Variants in HEMK2 observed in about 807,000 individuals in gnomAD.
HEMK2 encodes methyltransferase HEMK2.
the HEMK2 span, among the ~76,000 whole-genome samples, chr21:28,712,817 A>G: frequency 2.0e-5 from 3 of 152,226 alleles, no homozygotes; most frequent in Non-Finnish European, 4.4e-5. Flanking sequence ...TTTTAAAATA[A>G]TAAGAGTATA....
chr21:28,682,901 T>C, the HEMK2 span, among the ~76,000 whole-genome samples: 1 of 151,400 alleles, frequency 6.6e-6, no homozygotes. Context: ...GGGGCCTGTG[T>C]AGGGGGAGCG....
the HEMK2 span, among the ~76,000 whole-genome samples, chr21:28,623,080 A>C: frequency 2.0e-5 from 3 of 152,174 alleles, no homozygotes; most frequent in African/African-American, 7.2e-5. Flanking sequence ...TGTGCAATCT[A>C]TCCATCTGAC....
chr21:28,627,135 C>T, the HEMK2 span, among the ~76,000 whole-genome samples: 1 of 152,204 alleles, frequency 6.6e-6, no homozygotes, highest in East Asian at 1.9e-4. Flanking sequence ...AAGCCAACCA[C>T]AAAAGAACAT....
the HEMK2 span, among the ~76,000 whole-genome samples, chr21:28,662,188 C>T: frequency 1.4e-5 from 2 of 142,444 alleles, no homozygotes; most frequent in African/African-American, 2.5e-5. Context: ...TGAGGGTGGG[C>T]GGGAGAGGGT....
At chr21:28,590,490 G>A in the HEMK2 span, among the ~76,000 whole-genome samples, 1 of 152,180 alleles carries the variant, frequency 6.6e-6, no homozygotes, top group East Asian at 1.9e-4. Flanking sequence ...CAACACTGCA[G>A]TGAACACATG....
At chr21:28,725,974 T>C in the HEMK2 span, among the ~76,000 whole-genome samples, 1 of 152,284 alleles carries the variant, frequency 6.6e-6, no homozygotes, top group African/African-American at 2.4e-5. Flanking sequence ...TCCAAAGAAA[T>C]GGGATACTCA....
At chr21:28,865,592 C>G in the HEMK2 span, among the ~76,000 whole-genome samples, 4 of 152,172 alleles carry the variant, frequency 2.6e-5, no homozygotes, top group Non-Finnish European at 5.9e-5. Flanking sequence ...CTGCTCTATC[C>G]TAGACTCCTC....
At chr21:28,839,699 T>C in the HEMK2 span, among the ~76,000 whole-genome samples, 1 of 152,032 alleles carries the variant, frequency 6.6e-6, no homozygotes, top group Non-Finnish European at 1.5e-5. Context: ...TATAAAACAC[T>C]GCTGAAAGAA....
chr21:28,788,200 G>GTA, the HEMK2 span, among the ~76,000 whole-genome samples: 5 of 111,916 alleles, frequency 4.5e-5, no homozygotes, highest in African/African-American at 2.7e-4. Context: ...ACGTATATAC[G>GTA]TATATATACG....
chr21:28,823,810 A>G, the HEMK2 span, among the ~76,000 whole-genome samples: 1 of 152,156 alleles, frequency 6.6e-6, no homozygotes, highest in South Asian at 2.1e-4. Flanking sequence ...AGTACCTGCC[A>G]TATGTTAACC....
At chr21:28,689,709 T>C in the HEMK2 span, among the ~76,000 whole-genome samples, 1 of 152,204 alleles carries the variant, frequency 6.6e-6, no homozygotes, top group Non-Finnish European at 1.5e-5. Flanking sequence ...GGATACTTAT[T>C]AACTGACCTT....
the HEMK2 span, among the ~76,000 whole-genome samples, chr21:28,703,614 C>A: frequency 2.6e-5 from 4 of 152,176 alleles, no homozygotes; most frequent in Non-Finnish European, 5.9e-5. Flanking sequence ...TGGATAAAGA[C>A]AGGCTGAAAC....
chr21:28,582,932 A>G, the HEMK2 span, among the ~76,000 whole-genome samples: 2 of 152,202 alleles, frequency 1.3e-5, no homozygotes, highest in East Asian at 3.9e-4. Flanking sequence ...AGACAGTACA[A>G]CCATCAGGGT....
the HEMK2 span, among the ~76,000 whole-genome samples, chr21:28,713,069 CT>C: frequency 6.6e-6 from 1 of 152,172 alleles, no homozygotes; most frequent in East Asian, 1.9e-4. Context: ...CAGTACTTTT[CT>C]GGTATTGCCT....
the HEMK2 span, chr21:28,885,069 G>A: frequency 8.1e-7 from 1 of 1,231,972 alleles, no homozygotes; most frequent in Non-Finnish European, 1.1e-6. Flanking sequence ...TCTCAATTAC[G>A]GCGTCCTGGC....
the HEMK2 span, among the ~76,000 whole-genome samples, chr21:28,627,656 C>A: frequency 6.6e-6 from 1 of 152,114 alleles, no homozygotes; most frequent in East Asian, 1.9e-4. Context: ...TACAGTGAGG[C>A]AGGAGAATAG....
At chr21:28,791,503 C>G in the HEMK2 span, among the ~76,000 whole-genome samples, 1 of 152,152 alleles carries the variant, frequency 6.6e-6, no homozygotes, top group Non-Finnish European at 1.5e-5. Context: ...CTAAGGTAAG[C>G]TGAGTGTTCA....
At chr21:28,843,105 G>C in the HEMK2 span, among the ~76,000 whole-genome samples, 2 of 152,074 alleles carry the variant, frequency 1.3e-5, no homozygotes, top group African/African-American at 4.8e-5. Context: ...TCTCTTACAT[G>C]AGACTAATAG....
the HEMK2 span, among the ~76,000 whole-genome samples, chr21:28,821,161 C>T: frequency 6.6e-6 from 1 of 152,062 alleles, no homozygotes. Context: ...TTTTTCCTGC[C>T]AACCTTCCAC....
Sources: gnomAD v4.1 joint callset for allele counts (sites outside exome capture counted in the v4.1 genomes callset) on GRCh38, gnomAD v4.1.1 for gene constraint, MANE v1.5 for transcripts, NCBI Gene and HGNC (gene_info 2026-07-23, HGNC 2026-07-21) for gene names.